The following DST variants were observed in gnomAD, a reference collection of about 807,000 sequenced individuals.
DST encodes bullous pemphigoid antigen.
In DST, 253 loss-of-function variants were observed where a neutral mutation model predicts 875.2. That is an observed-to-expected ratio of 0.29 (90% CI 0.26 to 0.32). The LOEUF (loss-of-function observed/expected upper bound fraction) is 0.32, where lower values mean the gene tolerates loss of function less well. Among genes scored for constraint, DST ranks in the 10% least tolerant of loss-of-function variants. The probability of loss-of-function intolerance (pLI) is 1.00; values close to 1 mark genes in which losing one functional copy is unlikely to be tolerated. For missense variants in DST, 8,287 were observed against 9,111.6 expected, an observed-to-expected ratio of 0.91 and a Z score of 3.68; for synonymous variants, 3,124 against 3,197.1, an observed-to-expected ratio of 0.98 and a Z score of 0.77.
chr6:56,557,691 G>A (rs956863461), intron 58 of DST, among the ~76,000 whole-genome samples, 173 bp from the exon 59 acceptor site: 1 of 152,042 alleles, frequency 6.6e-6, no homozygotes, highest in Non-Finnish European at 1.5e-5. Flanking sequence ...TAGGTCTGAT[G>A]GTTGTATGTC....
At chr6:56,747,175 A>G (rs548863658) in intron 4 of DST, among the ~76,000 whole-genome samples, 20 of 152,352 alleles carry the variant, frequency 1.3e-4, no homozygotes, top group African/African-American at 3.4e-4. Flanking sequence ...TGGTTTTGTC[A>G]GCATTTGTCA....
Position 56,953,340 on chromosome 6 carries a change from G to A in DST, c.216+445C>T, listed in dbSNP as rs1823330360. Among the ~76,000 whole-genome samples the A allele has an allele frequency of 2.6e-5, 4 of 152,192 alleles. 1 individual carries two copies. Among genetic ancestry groups the A allele is most frequent in the African/African-American group, 9.7e-5 (4 of 41,448 alleles). ...CAGATGGTCCCCAATAAAACATGGA[G>A]AGCTTTAGGAGAAAACAGAAATGTA... On this transcript the variant is annotated intron_variant, in intron 2 of 103. Coordinates refer to ENST00000680361, the MANE Select transcript of DST (RefSeq NM_001374736.1).
At chr6:56,636,474 T>G (rs1371811746) in intron 23 of DST, 83 bp downstream of exon 23, 2 of 1,060,040 alleles carry the variant, frequency 1.9e-6, no homozygotes, top group African/African-American at 3.1e-5. Flanking sequence ...ATTGTTATCC[T>G]AACAATAAAT....
At chr6:56,672,488 CT>C (rs940729600) in intron 9 of DST, among the ~76,000 whole-genome samples, 18 of 148,992 alleles carry the variant, frequency 1.2e-4, no homozygotes, top group African/African-American at 3.4e-4. Flanking sequence ...GAAGAAATTT[CT>C]TTTTTTTTTA....
intron 5 of DST, among the ~76,000 whole-genome samples, chr6:56,715,445 G>A (rs956866663): frequency 6.6e-6 from 1 of 152,192 alleles, no homozygotes; most frequent in African/African-American, 2.4e-5. Flanking sequence ...TGAGCACTTT[G>A]AAGAGAAGAA....
At chr6:56,591,063 G>C (rs1255355008) in intron 49 of DST, among the ~76,000 whole-genome samples, 1 of 152,214 alleles carries the variant, frequency 6.6e-6, no homozygotes, top group Non-Finnish European at 1.5e-5. Flanking sequence ...AGCTGTAGCA[G>C]TAATAACCTA....
chr6:56,491,703 T>C (rs1289589415), intron 85 of DST, among the ~76,000 whole-genome samples: 1 of 152,198 alleles, frequency 6.6e-6, no homozygotes, highest in Non-Finnish European at 1.5e-5. Flanking sequence ...TGAAGGTCTG[T>C]CAACAAGTGT....
At chr6:56,908,250 A>G (rs937657643) in intron 2 of DST, among the ~76,000 whole-genome samples, 1 of 152,216 alleles carries the variant, frequency 6.6e-6, no homozygotes, top group Non-Finnish European at 1.5e-5. Flanking sequence ...AAAAATCAAA[A>G]GATTCCCTTC....
chr6:56,559,246 C>T (rs2152564293), intron 58 of DST, among the ~76,000 whole-genome samples: 1 of 152,162 alleles, frequency 6.6e-6, no homozygotes, highest in East Asian at 1.9e-4. Flanking sequence ...TTTTGAACTA[C>T]ATATTCCTCA....
chr6:56,934,022 T>C (rs1386577212), intron 2 of DST, among the ~76,000 whole-genome samples: 1 of 152,094 alleles, frequency 6.6e-6, no homozygotes, highest in African/African-American at 2.4e-5. Flanking sequence ...TTTTATTTTA[T>C]ATACATATAT....
At chr6:56,880,837 CTTTTTTTTTT>C (rs765843469) in intron 3 of DST, among the ~76,000 whole-genome samples, 1 of 58,064 alleles carries the variant, frequency 1.7e-5, no homozygotes, top group African/African-American at 7.5e-5. Context: ...TACTGTCTTT[CTTTTTTTTTT>C]TTTTTTTTTT....
At chr6:56,764,970 A>AAAGG (rs1479592127) in intron 4 of DST, among the ~76,000 whole-genome samples, 6 of 102,472 alleles carry the variant, frequency 5.9e-5, no homozygotes, top group Non-Finnish European at 1.2e-4. Flanking sequence ...AGGAAGGAAG[A>AAAGG]AAGGGAGGGA....
At chr6:56,873,413 A>C (rs1778259019) in intron 3 of DST, among the ~76,000 whole-genome samples, 1 of 152,172 alleles carries the variant, frequency 6.6e-6, no homozygotes, top group African/African-American at 2.4e-5. Context: ...CTTTGCCTAG[A>C]CCAATGTACT....
intron 3 of DST, among the ~76,000 whole-genome samples, chr6:56,885,323 G>A (rs1259537240): frequency 1.3e-5 from 2 of 152,222 alleles, no homozygotes; most frequent in East Asian, 3.8e-4. Flanking sequence ...TCATGTGCCA[G>A]GGTTCAATAT....
At chr6:56,465,132 C>T (rs2094518171) in intron 99 of DST, among the ~76,000 whole-genome samples, 2 of 152,126 alleles carry the variant, frequency 1.3e-5, no homozygotes, top group East Asian at 3.9e-4. Context: ...AGCAGGGCTA[C>T]TGTATAACAT....
intron 2 of DST, among the ~76,000 whole-genome samples, chr6:56,916,809 C>G (rs1304329503): frequency 6.7e-6 from 1 of 148,932 alleles, no homozygotes; most frequent in African/African-American, 2.5e-5. Flanking sequence ...CACACACACA[C>G]ACACACACAC....
intron 4 of DST, among the ~76,000 whole-genome samples, chr6:56,751,599 C>A (rs1375724773): frequency 6.6e-6 from 1 of 152,124 alleles, no homozygotes; most frequent in Admixed American, 6.6e-5. Context: ...GTTCAGGCAG[C>A]CATTTAAAAT....
rs762298460 is a variant in DST, at chr6:56,536,786, T to C, written c.16763A>G (p.Asn5588Ser). The change falls in exon 62 of 104, where the codon AAT (asparagine) becomes AGT (serine). Residue 5588 changes from asparagine to serine, a missense_variant. Coordinates refer to ENST00000680361, the MANE Select transcript of DST (RefSeq NM_001374736.1). ...DDVNARWKTL[N>S]KKVAQRAAQL... ...AGGGGGTGAGAAAATTACCTTCTTA[T>C]TGAGAGTCTTCCACCGTGCATTGAC... 1.6e-5 allele frequency: 25 copies of C among 1,552,756 alleles called. No individual in the cohort carries two copies. The highest frequency in any genetic ancestry group is 9.2e-5 in the East Asian group (4 of 43,514).
At chr6:56,511,176 A>C in intron 73 of DST, 21 bp downstream of exon 73, 1 of 1,555,434 alleles carries the variant, frequency 6.4e-7, no homozygotes, top group Non-Finnish European at 8.7e-7. Context: ...ACCCAATTCT[A>C]TATCTAGTGT....
Sources: gnomAD v4.1 joint callset for allele counts (sites outside exome capture counted in the v4.1 genomes callset) on GRCh38, gnomAD v4.1.1 for gene constraint, MANE v1.5 for transcripts, NCBI Gene and HGNC (gene_info 2026-07-23, HGNC 2026-07-21) for gene names.